PRKG1: variants seen among roughly 807,000 people sequenced by gnomAD.
The protein encoded by PRKG1 is protein kinase cGMP-dependent 1, also known as cGMP-dependent protein kinase 1.
PRKG1 carries 35 observed loss-of-function variants against 88.1 expected under a neutral mutation model. The ratio of observed to expected loss-of-function variants is 0.40; its 90% CI spans 0.30 to 0.53. The LOEUF is 0.53. Among genes scored for constraint, PRKG1 ranks in the 20% least tolerant of loss-of-function variants. The pLI is 0.59. For synonymous variants in PRKG1, 303 were observed against 292.5 expected, an observed-to-expected ratio of 1.04 and a Z score of -0.37; for missense variants, 540 against 839.8, an observed-to-expected ratio of 0.64 and a Z score of 4.41.
At chr10:51,878,366 T>G (rs1159637272) in intron 4 of PRKG1, among the ~76,000 whole-genome samples, 1 of 152,118 alleles carries the variant, frequency 6.6e-6, no homozygotes, top group Non-Finnish European at 1.5e-5. Flanking sequence ...TTTGCTTTGA[T>G]GTGTCAGTAA....
chr10:51,717,812 A>T (rs1841921452), intron 3 of PRKG1, among the ~76,000 whole-genome samples: 1 of 151,474 alleles, frequency 6.6e-6, no homozygotes, highest in South Asian at 2.1e-4. Flanking sequence ...AGCCTGGGCG[A>T]CAGAGCGAGA....
chr10:52,207,808 G>A (rs920445362), intron 9 of PRKG1, among the ~76,000 whole-genome samples: 2 of 152,074 alleles, frequency 1.3e-5, no homozygotes, highest in Non-Finnish European at 2.9e-5. Context: ...CCCATGCAGG[G>A]TTCCCAGCTT....
intron 12 of PRKG1, among the ~76,000 whole-genome samples, chr10:52,280,061 C>G (rs1238289871): frequency 6.6e-6 from 1 of 152,008 alleles, no homozygotes; most frequent in Non-Finnish European, 1.5e-5. Context: ...ACAGAGAGAG[C>G]CTTCTTGCTA....
chr10:52,149,843 A>C (rs1483396521), intron 8 of PRKG1, among the ~76,000 whole-genome samples: 1 of 152,104 alleles, frequency 6.6e-6, no homozygotes. Flanking sequence ...TGAAATAAAA[A>C]TTATTTATCT....
At chr10:51,391,206 T>G (rs1053663978) in intron 2 of PRKG1, among the ~76,000 whole-genome samples, 5 of 152,242 alleles carry the variant, frequency 3.3e-5, no homozygotes, top group African/African-American at 9.6e-5. Context: ...CATTGCTGCC[T>G]TCTTAGTTAA....
chr10:51,108,144 G>A (rs993904417), intron 1 of PRKG1, among the ~76,000 whole-genome samples: 1 of 152,034 alleles, frequency 6.6e-6, no homozygotes, highest in Non-Finnish European at 1.5e-5. Context: ...TTGATCCAGA[G>A]GGCTTCACTG....
intron 7 of PRKG1, among the ~76,000 whole-genome samples, chr10:52,107,685 C>T (rs1847459091): frequency 6.6e-6 from 1 of 152,172 alleles, no homozygotes; most frequent in Admixed American, 6.5e-5. Context: ...TAACAGATGA[C>T]AATGTTTTCA....
intron 3 of PRKG1, among the ~76,000 whole-genome samples, chr10:51,712,781 G>A (rs1841791265): frequency 6.6e-6 from 1 of 151,510 alleles, no homozygotes; most frequent in Non-Finnish European, 1.5e-5. Flanking sequence ...AGTAGAGACG[G>A]GGTTTCACCA....
At position 51,954,855 on chromosome 10, in the gene PRKG1, G is replaced by A. The variant is rs750126533; in HGVS notation, c.762+47285G>A. 1.0e-3 allele frequency among the ~76,000 whole-genome samples: 153 copies of A among 152,220 alleles called. 1 individual carries two copies. The highest frequency in any genetic ancestry group is 1.9e-3 in the Non-Finnish European group (126 of 68,002). The stretch of plus-strand genomic sequence containing the variant: ...AGAAAATTCTAAATTTACAAAGATG[G>A]AGAGAATAGTGTAATCACCTCCCAA... On this transcript the variant is annotated intron_variant, in intron 5 of 17. Transcript: ENST00000373980.
In PRKG1 at chr10:51,403,267, G is replaced by A. The variant is rs370794057; in HGVS notation, c.479-64456G>A. ...TTAAATACGTGCAAAGAGAAATATA[G>A]CATTCGAGCTACATATGGCATGTTA... is the stretch of plus-strand genomic sequence containing the variant. On this transcript the variant is annotated intron_variant, in intron 2 of 17. Transcript: ENST00000373980. Among the ~76,000 whole-genome samples the A allele has an allele frequency of 5.9e-5, 9 of 152,270 alleles. No homozygotes were observed. The South Asian group carries it at 1.7e-3, about 28-fold the overall frequency.
chr10:51,275,022 A>G (rs1451677461), intron 2 of PRKG1, among the ~76,000 whole-genome samples: 1 of 152,208 alleles, frequency 6.6e-6, no homozygotes, highest in Non-Finnish European at 1.5e-5. Flanking sequence ...TATTGTCATT[A>G]TTAGGCCTTA....
intron 2 of PRKG1, among the ~76,000 whole-genome samples, chr10:51,228,353 G>C (rs1457848256): frequency 3.3e-5 from 5 of 152,122 alleles, no homozygotes; most frequent in African/African-American, 1.2e-4. Flanking sequence ...CACTCTCTTA[G>C]TCTAAGTGGA....
chr10:51,628,410 G>T (rs868402009), intron 3 of PRKG1, among the ~76,000 whole-genome samples: 6 of 151,336 alleles, frequency 4.0e-5, no homozygotes, highest in African/African-American at 9.7e-5. Context: ...AATTCCACCC[G>T]CCTCGCCCTC....
chr10:51,910,246 C>T (rs1414939225), intron 5 of PRKG1: 1 of 141,712 alleles, frequency 7.1e-6, no homozygotes, highest in African/African-American at 2.7e-5. Flanking sequence ...ATAGGTAAAT[C>T]CAGTGGGGGT....
At chr10:52,271,154 C>G (rs530506674) in intron 10 of PRKG1, among the ~76,000 whole-genome samples, 196 bp from the exon 11 acceptor site, 2 of 152,132 alleles carry the variant, frequency 1.3e-5, no homozygotes, top group South Asian at 4.1e-4. Flanking sequence ...AAAATTCAGC[C>G]AATTCAGAGC....
intron 1 of PRKG1, among the ~76,000 whole-genome samples, chr10:51,144,771 T>C (rs891819513): frequency 6.6e-6 from 1 of 152,100 alleles, no homozygotes; most frequent in African/African-American, 2.4e-5. Context: ...GAGTAGAAAA[T>C]CTGCCTTGTG....
At chr10:52,291,469 T>C (rs1002225805) in intron 17 of PRKG1, among the ~76,000 whole-genome samples, 3 of 140,032 alleles carry the variant, frequency 2.1e-5, no homozygotes, top group Non-Finnish European at 4.5e-5. Flanking sequence ...TGTGTTCTCA[T>C]TGTTCAGTTC....
intron 2 of PRKG1, among the ~76,000 whole-genome samples, chr10:51,442,498 T>G (rs115808190): frequency 6.6e-4 from 100 of 152,132 alleles, no homozygotes; most frequent in African/African-American, 2.3e-3. Context: ...ATCTCTGTTC[T>G]TATACAACAA....
At chr10:51,757,721 C>T (rs1243471287) in intron 3 of PRKG1, among the ~76,000 whole-genome samples, 3 of 152,084 alleles carry the variant, frequency 2.0e-5, no homozygotes, top group African/African-American at 4.8e-5. Context: ...AAAATAACTT[C>T]TAATACTTGT....
Sources: gnomAD v4.1 joint callset for allele counts (sites outside exome capture counted in the v4.1 genomes callset) on GRCh38, gnomAD v4.1.1 for gene constraint, MANE v1.5 for transcripts, NCBI Gene and HGNC (gene_info 2026-07-23, HGNC 2026-07-21) for gene names.